Variants in STK4 observed in about 807,000 individuals in gnomAD.
STK4 encodes the protein serine/threonine-protein kinase 4.
A neutral mutation model predicts 64.9 loss-of-function variants in STK4; 30 were observed. That is an observed-to-expected ratio of 0.46 (90% CI 0.35 to 0.63). The LOEUF is 0.63. Ranked by LOEUF, STK4 falls within the 20% of genes least tolerant of loss-of-function variation. The probability of loss-of-function intolerance (pLI) is 0.01; values close to 1 mark genes in which losing one functional copy is unlikely to be tolerated. For synonymous variants in STK4, 177 were observed against 199.0 expected (o/e 0.89, Z 0.93); for missense variants, 466 against 598.5 (o/e 0.78, Z 2.31).
At chr20:44,982,323 T>TG (rs1295566077) in intron 4 of STK4, among the ~76,000 whole-genome samples, 1 of 151,212 alleles carries the variant, frequency 6.6e-6, no homozygotes, top group Non-Finnish European at 1.5e-5. Context: ...TTTGTGGAGA[T>TG]GGTGTCTCAC....
intron 5 of STK4, 70 bp downstream of exon 5, chr20:44,987,366 T>A: frequency 7.0e-7 from 1 of 1,425,710 alleles, no homozygotes; most frequent in Non-Finnish European, 9.5e-7. Flanking sequence ...TTTATTTACC[T>A]ATTTTTAAAA....
chr20:45,012,330 G>C (rs953634171), intron 9 of STK4, among the ~76,000 whole-genome samples: 14 of 151,954 alleles, frequency 9.2e-5, no homozygotes, highest in Non-Finnish European at 1.9e-4. Context: ...CACTGCACCC[G>C]GCCTCTCCCA....
chr20:44,976,520 A>G (rs1183158355), intron 2 of STK4, among the ~76,000 whole-genome samples: 2 of 152,348 alleles, frequency 1.3e-5, no homozygotes, highest in African/African-American at 4.8e-5. Flanking sequence ...ACCCATGGAA[A>G]ATGATAATCT....
At chr20:44,973,296 G>T (rs1462827336) in intron 2 of STK4, 1 of 152,030 alleles carries the variant, frequency 6.6e-6, no homozygotes, top group Admixed American at 6.5e-5. Context: ...TCGTCTTTTT[G>T]TAAGTTGGAA....
intron 3 of STK4, among the ~76,000 whole-genome samples, chr20:44,979,393 A>T (rs1248122101): frequency 6.6e-6 from 1 of 152,220 alleles, no homozygotes; most frequent in Non-Finnish European, 1.5e-5. Context: ...TTGAGGAACT[A>T]AGATTTGTCA....
chr20:45,056,064 C>G (rs1358211956), intron 10 of STK4, among the ~76,000 whole-genome samples: 1 of 152,166 alleles, frequency 6.6e-6, no homozygotes, highest in East Asian at 1.9e-4. Context: ...ACATTTAAGG[C>G]TGTAAAATTT....
At chr20:45,030,934 T>C (rs1392263290) in intron 10 of STK4, among the ~76,000 whole-genome samples, 1 of 152,106 alleles carries the variant, frequency 6.6e-6, no homozygotes, top group African/African-American at 2.4e-5. Context: ...CAGTGGCTCA[T>C]ACCTGTAATC....
intron 9 of STK4, among the ~76,000 whole-genome samples, chr20:45,003,852 G>A (rs1261075513): frequency 1.3e-5 from 2 of 151,544 alleles, no homozygotes; most frequent in South Asian, 4.2e-4. Flanking sequence ...GAGTAGCTGC[G>A]ACTACAGGCG....
chr20:45,030,766 C>CT (rs1600506167), intron 10 of STK4, among the ~76,000 whole-genome samples: 1 of 152,100 alleles, frequency 6.6e-6, no homozygotes. Flanking sequence ...TAGCAGATCA[C>CT]TTTTTTGGAA....
At chr20:44,968,708 C>A (rs759309002) in intron 1 of STK4, among the ~76,000 whole-genome samples, 6 of 152,232 alleles carry the variant, frequency 3.9e-5, no homozygotes, top group Non-Finnish European at 8.8e-5. Flanking sequence ...AGTTTCTTGG[C>A]ATGCTCATTC....
chr20:44,984,626 G>A (rs1470599853), intron 4 of STK4, among the ~76,000 whole-genome samples: 2 of 152,080 alleles, frequency 1.3e-5, no homozygotes, highest in South Asian at 2.1e-4. Context: ...TCTGAACTGA[G>A]ATATGCTGTA....
At chr20:45,025,517 C>A (rs1248338274) in intron 10 of STK4, among the ~76,000 whole-genome samples, 1 of 152,078 alleles carries the variant, frequency 6.6e-6, no homozygotes, top group Non-Finnish European at 1.5e-5. Context: ...GCTAACTATT[C>A]TCCTAATTTT....
intron 10 of STK4, among the ~76,000 whole-genome samples, chr20:45,065,850 G>GT (rs1007188906): frequency 1.3e-5 from 2 of 151,302 alleles, no homozygotes; most frequent in African/African-American, 2.4e-5. Flanking sequence ...TCTTTTGCAT[G>GT]TTTTTTCACA....
intron 9 of STK4, chr20:45,007,798 G>A (rs1320059855): frequency 7.1e-6 from 3 of 421,640 alleles, no homozygotes; most frequent in African/African-American, 2.1e-5. Flanking sequence ...CATACAGGGG[G>A]TACATGTGCA....
chr20:45,022,753 C>T (rs1430796917), intron 9 of STK4, among the ~76,000 whole-genome samples: 4 of 152,140 alleles, frequency 2.6e-5, no homozygotes, highest in Non-Finnish European at 4.4e-5. Context: ...AAAAGAATGA[C>T]GCCCTTATGG....
chr20:45,054,198 C>A (rs1189951054), intron 10 of STK4, among the ~76,000 whole-genome samples: 1 of 152,170 alleles, frequency 6.6e-6, no homozygotes, highest in African/African-American at 2.4e-5. Context: ...CATTCTCTCT[C>A]TGTTTAGCTG....
chr20:45,072,841 TAACAATAGC>T (rs1980187947), intron 10 of STK4, among the ~76,000 whole-genome samples: 1 of 152,186 alleles, frequency 6.6e-6, no homozygotes, highest in South Asian at 2.1e-4. Context: ...ATAATAAGAA[TAACAATAGC>T]AACAATAACA....
intron 10 of STK4, among the ~76,000 whole-genome samples, chr20:45,052,128 T>C (rs1407661112): frequency 1.3e-5 from 2 of 152,236 alleles, no homozygotes; most frequent in South Asian, 2.1e-4. Context: ...ATAAATGTTA[T>C]TATTTTCTTC....
chr20:44,995,290 T>A, intron 6 of STK4, 33 bp downstream of exon 6: 1 of 1,584,706 alleles, frequency 6.3e-7, no homozygotes, highest in South Asian at 1.2e-5. Flanking sequence ...AGTGGGGTGG[T>A]TAGTTACTGA....
Sources: allele counts gnomAD v4.1 joint callset (sites outside exome capture counted in the v4.1 genomes callset), GRCh38; gene constraint gnomAD v4.1.1; transcripts MANE v1.5; gene names NCBI Gene and HGNC (gene_info 2026-07-23, HGNC 2026-07-21).